The following CALY variants were observed in gnomAD, a reference collection of about 807,000 sequenced individuals.
CALY encodes the protein calcyon neuron specific vesicular protein.
CALY carries 15 observed loss-of-function variants against 20.2 expected under a neutral mutation model. The ratio of observed to expected loss-of-function variants is 0.74; its 90% confidence interval spans 0.50 to 1.14. The LOEUF is 1.14. Among genes scored for constraint, CALY ranks in the 50% most tolerant of loss-of-function variants. The pLI is 0.00. For missense variants in CALY, 270 were observed against 304.4 expected (o/e 0.89, Z 0.84); for synonymous variants, 129 against 131.8 (o/e 0.98, Z 0.15).
chr10:133,330,908 G>C (rs914784475), intron 1 of CALY, among the ~76,000 whole-genome samples: 1 of 152,112 alleles, frequency 6.6e-6, no homozygotes, highest in East Asian at 1.9e-4. Flanking sequence ...ACACCACTGC[G>C]AGGCCCCAAA....
In CALY at chr10:133,336,576, G is replaced by A. The variant is rs562370253; in HGVS notation, c.-21+258C>T. On this transcript the variant is annotated intron_variant, in intron 1 of 5. Coordinates refer to ENST00000252939, the MANE Select transcript of CALY (RefSeq NM_015722.4). The stretch of plus-strand genomic sequence containing the variant: ...GGAAGCCTGGAGACCACCGCCCTCG[G>A]GTCCGCGGGGTCGGACTGGCCTGGG... Among the ~76,000 whole-genome samples the A allele has an allele frequency of 3.9e-3, 595 of 152,274 alleles. 5 individuals carry two copies. The highest frequency in any genetic ancestry group is 0.013 in the African/African-American group (553 of 41,556).
chr10:133,325,809 G>A lies in CALY; in HGVS notation c.*18C>T. ...GCGGCGCGCACCTACCCCGGGCCGG[G>A]CTGCGGGGCTGGAGACGTCACTGCG... On this transcript the variant is annotated 3_prime_UTR_variant, in exon 5 of 6. Coordinates refer to ENST00000252939, the MANE Select transcript of CALY (RefSeq NM_015722.4). 1 of 1,193,560 alleles carries A rather than the reference G, an allele frequency of 8.4e-7. No homozygotes were observed. The highest frequency in any genetic ancestry group is 1.0e-6 in the Non-Finnish European group (1 of 960,650). 73.9% of individuals were successfully genotyped at this position (1,193,560 alleles called of 1,614,324 possible).
rs139434306 is a variant in CALY at position 133,330,198 on chromosome 10, G to T, written c.-20-1189C>A. Among the ~76,000 whole-genome samples, 1,447 of 152,264 alleles carry T rather than the reference G, an allele frequency of 9.5e-3. 9 individuals are homozygous for T. The highest frequency in any genetic ancestry group is 0.015 in the Non-Finnish European group (1,033 of 68,012). ...GAAAGGTCCTGTGTGCAGTAGACAC[G>T]GAACCTGTGGCCCGGTGCTATGGCG... On this transcript the variant is annotated intron_variant, in intron 1 of 5. Transcript: ENST00000252939.
At chr10:133,331,785 T>A (rs1357794896) in intron 1 of CALY, among the ~76,000 whole-genome samples, 1 of 152,156 alleles carries the variant, frequency 6.6e-6, no homozygotes, top group African/African-American at 2.4e-5. Flanking sequence ...ACAAGCACTG[T>A]CATTTTATAT....
chr10:133,329,392 C>CTTTTTTTTTTTTTT (rs112012967), intron 1 of CALY, among the ~76,000 whole-genome samples: 1 of 137,450 alleles, frequency 7.3e-6, no homozygotes, highest in Non-Finnish European at 1.5e-5. Flanking sequence ...TCTTCTTCTT[C>CTTTTTTTTTTTTTT]TTTTTTTTTT....
At position 133,326,940 on chromosome 10, in the gene CALY, G is replaced by A. The variant is rs768855999; in HGVS notation, c.298C>T (p.Leu100=). 1 of 1,611,312 alleles carries A rather than the reference G, an allele frequency of 6.2e-7. No individual in the cohort carries two copies. The highest frequency in any genetic ancestry group is 1.1e-5 in the South Asian group (1 of 90,264). ...TACCAGATGGCCTTGTACATGATCA[G>A]CACGCAGCCCAGTAGCGCCATGGCG... ...AFAMALLGCV[L]IMYKAIWYDQ... is the part of the protein sequence containing the mutation. The change falls in exon 4 of 6, where the codon CTG becomes TTG. Residue 100 remains leucine (L), a synonymous_variant. Transcript: ENST00000252939.
chr10:133,333,427 G>A (rs904176020), intron 1 of CALY, among the ~76,000 whole-genome samples: 5 of 146,266 alleles, frequency 3.4e-5, no homozygotes, highest in Non-Finnish European at 7.5e-5. Flanking sequence ...GATCTGAAGG[G>A]AAGGGACCCC....
intron 1 of CALY, 42 bp from the exon 2 acceptor site, chr10:133,329,051 C>T: frequency 1.4e-6 from 2 of 1,475,518 alleles, no homozygotes; most frequent in Non-Finnish European, 1.8e-6. Context: ...AGGCTGCCCC[C>T]TGGATGCCCA....
rs997755520 is a variant in CALY at position 133,324,437 on chromosome 10, G to C, written c.*1158C>G. On this transcript the variant is annotated 3_prime_UTR_variant, in exon 6 of 6. Transcript: ENST00000252939. ...CAGCAAGCCTGGGAGCCAATGGTGG[G>C]GGGCTTCCATCCACCAATGGTCGGG... The C allele has an allele frequency of 2.2e-6, 1 of 454,232 alleles. No homozygotes were observed. Among genetic ancestry groups the C allele is most frequent in the Non-Finnish European group, 4.4e-6 (1 of 226,632 alleles). The allele number at this position is 454,232 out of a possible 1,614,324, so 28.1% of individuals were successfully genotyped here.
chr10:133,332,439 A>G (rs1481320411), intron 1 of CALY, among the ~76,000 whole-genome samples: 2 of 152,240 alleles, frequency 1.3e-5, no homozygotes, highest in Non-Finnish European at 2.9e-5. Flanking sequence ...TTCTGGTCTC[A>G]GGGAGGGAAA....
rs1299671259 is a variant in CALY at position 133,330,309 on chromosome 10, C to T, written c.-20-1300G>A. On this transcript the variant is annotated intron_variant, in intron 1 of 5. Transcript: ENST00000252939. ...CGGAGGTTGCAATGAGCCGAGATCA[C>T]GCCACTGCACTCCAGCCTAGGTGAC... Among the ~76,000 whole-genome samples, 15 of 137,460 alleles carry T rather than the reference C, an allele frequency of 1.1e-4. No individual in the cohort carries two copies. The Admixed American group carries it at 1.2e-3, about 11-fold the overall frequency. 90.2% of individuals were successfully genotyped at this position (137,460 alleles called of 152,430 possible). A position where few individuals can be genotyped will look rare whatever the true frequency, so the allele number is the denominator to read the frequency against.
chr10:133,336,100 C>A (rs1326757233), intron 1 of CALY, among the ~76,000 whole-genome samples: 1 of 152,114 alleles, frequency 6.6e-6, no homozygotes, highest in Non-Finnish European at 1.5e-5. Flanking sequence ...ATCTGAGGGT[C>A]CCGCCCAGCC....
At chr10:133,335,159 G>C (rs534255515) in intron 1 of CALY, among the ~76,000 whole-genome samples, 1 of 152,282 alleles carries the variant, frequency 6.6e-6, no homozygotes, top group South Asian at 2.1e-4. Context: ...GCCGGGGCTT[G>C]AGGTGGAGCT....
At chr10:133,327,365 C>T (rs1848231415) in intron 3 of CALY, 1 of 496,974 alleles carries the variant, frequency 2.0e-6, no homozygotes, top group Admixed American at 3.6e-5. Flanking sequence ...TCCCAGGTGA[C>T]TGCCCACAGT....
chr10:133,327,412 C>A, intron 3 of CALY: 1 of 487,622 alleles, frequency 2.1e-6, no homozygotes, highest in East Asian at 3.4e-5. Flanking sequence ...CAGACTGGAA[C>A]GTGAGGCCAG....
At chr10:133,328,737 C>A (rs1030707397) in intron 2 of CALY, 118 bp downstream of exon 2, 30 of 1,160,596 alleles carry the variant, frequency 2.6e-5, no homozygotes, top group Non-Finnish European at 3.2e-5. Flanking sequence ...CCCCATGGCC[C>A]TTCATCTGTT....
At chr10:133,325,768 A>G in intron 5 of CALY, 31 bp downstream of exon 5, 1 of 1,017,520 alleles carries the variant, frequency 9.8e-7, no homozygotes, top group Non-Finnish European at 1.2e-6. Flanking sequence ...ACCTGGGCAG[A>G]GCCGGCCGGA....
chr10:133,328,756 T>C (rs1398519519), intron 2 of CALY, 99 bp downstream of exon 2: 9 of 1,290,506 alleles, frequency 7.0e-6, no homozygotes, highest in Non-Finnish European at 8.3e-6. Context: ...TTTGCTCTAC[T>C]GCACCTGGGA....
Position 133,325,966 on chromosome 10 carries a change from G to A in CALY, c.515C>T (p.Ala172Val). 1 of 1,541,004 alleles carries A rather than the reference G, an allele frequency of 6.5e-7. No homozygotes were observed. Among genetic ancestry groups the A allele is most frequent in the Non-Finnish European group, 8.8e-7 (1 of 1,141,900 alleles). The change falls in exon 5 of 6, where the codon GCC (alanine) becomes GTC (valine). Residue 172 changes from alanine to valine, a missense_variant. By Grantham distance (64) the Ala-to-Val change is moderately conservative. Transcript: ENST00000252939. Reference sequence around the variant, plus strand: ...GGTGGGCCCCTTGCGCTCCTCCTTGGCTGCGCGGTAGCCGTCCCCCCAGGC... The same window carrying A: ...GGTGGGCCCCTTGCGCTCCTCCTTGACTGCGCGGTAGCCGTCCCCCCAGGC... ...PAAWGDGYRA[A>V]KEERKGPTQA...
Sources: allele counts gnomAD v4.1 joint callset (sites outside exome capture counted in the v4.1 genomes callset), GRCh38; gene constraint gnomAD v4.1.1; transcripts MANE v1.5; gene names NCBI Gene and HGNC (gene_info 2026-07-23, HGNC 2026-07-21).